CAPN9: variants seen among roughly 807,000 people sequenced by gnomAD.
The protein encoded by CAPN9 is calpain 9.
Under a neutral mutation model 92.8 loss-of-function variants are expected in CAPN9, and 81 were observed. The ratio of observed to expected loss-of-function variants is 0.87; its 90% CI spans 0.73 to 1.05. The LOEUF is 1.05. Among genes scored for constraint, CAPN9 ranks in the 50% least tolerant of loss-of-function variants. The pLI is 0.00. For synonymous variants in CAPN9, 304 were observed against 328.0 expected, an observed-to-expected ratio of 0.93 and a Z score of 0.79; for missense variants, 848 against 866.2, an observed-to-expected ratio of 0.98 and a Z score of 0.26.
chr1:230,767,561 C>G lies in CAPN9; in HGVS notation c.557C>G (p.Ala186Gly), dbSNP rs1558093050. 2.5e-6 allele frequency: 4 copies of G among 1,612,840 alleles called. No homozygotes were observed. Among genetic ancestry groups the G allele is most frequent in the Non-Finnish European group, 3.4e-6 (4 of 1,179,444 alleles). The part of the protein sequence containing the change: ...AYAKLNGSYE[A>G]LKGGSAIEAM... Reference sequence around the variant, plus strand: ...TGCAGGCTAAATGGGAGCTATGAAGCTCTGAAGGGAGGCAGCGCCATCGAG... The same window carrying G: ...TGCAGGCTAAATGGGAGCTATGAAGGTCTGAAGGGAGGCAGCGCCATCGAG... The change falls in exon 5 of 20, where the codon GCT becomes GGT. Residue 186 changes from alanine (A) to glycine (G), a missense_variant. Coordinates refer to ENST00000271971, the MANE Select transcript of CAPN9 (RefSeq NM_006615.3).
chr1:230,768,010 TAATA>T (rs71563451), intron 5 of CAPN9, among the ~76,000 whole-genome samples: 39,412 of 139,160 alleles, frequency 0.28, 5,771 homozygotes, highest in East Asian at 0.38. Context: ...ACTTAAAGTA[TAATA>T]AATAAATAAA....
rs756167424 is a variant in CAPN9 at position 230,755,448 on chromosome 1, T to C, written c.283+42T>C. 4 of 1,508,460 alleles carry C rather than the reference T, an allele frequency of 2.7e-6. No individual in the cohort carries two copies. The South Asian group carries it at 4.8e-5, about 18-fold the overall frequency. 93.4% of individuals were successfully genotyped at this position (1,508,460 alleles called of 1,614,324 possible). ...GGAGCATGGCGAGAGGGAGGTTGAG[T>C]CACTGGGACAGGCAAGCAACTGCAG... On this transcript the variant is annotated intron_variant, in intron 2 of 19. Coordinates refer to ENST00000271971, the MANE Select transcript of CAPN9 (RefSeq NM_006615.3).
chr1:230,785,977 A>G lies in CAPN9; in HGVS notation c.1482-4A>G. On this transcript the variant is annotated splice_region_variant and splice_polypyrimidine_tract_variant and intron_variant, in intron 11 of 19. Transcript: ENST00000271971. The stretch of plus-strand genomic sequence containing the variant: ...TGAGGCAGTGTGTTTTTCTGCCCCT[A>G]CAGGGATATGGATGGAAATGTAGAC... 1 of 1,613,814 alleles carries G rather than the reference A, an allele frequency of 6.2e-7. No individual in the cohort carries two copies. The highest frequency in any genetic ancestry group is 8.5e-7 in the Non-Finnish European group (1 of 1,179,698).
At chr1:230,780,444 C>G in intron 10 of CAPN9, 56 bp from the exon 11 acceptor site, 7 of 1,603,838 alleles carry the variant, frequency 4.4e-6, no homozygotes, top group Non-Finnish European at 6.0e-6. Flanking sequence ...TGAATTGTGT[C>G]CGAAAAGCCA....
chr1:230,791,449 C>A (rs982955060), intron 14 of CAPN9, among the ~76,000 whole-genome samples: 3 of 152,132 alleles, frequency 2.0e-5, no homozygotes, highest in Admixed American at 2.0e-4. Context: ...TTAAATCCTG[C>A]CATTAAATAT....
intron 4 of CAPN9, among the ~76,000 whole-genome samples, chr1:230,766,603 G>A (rs1665999270): frequency 6.6e-6 from 1 of 152,170 alleles, no homozygotes; most frequent in South Asian, 2.1e-4. Flanking sequence ...GTGCAGTGTG[G>A]GGTCCTGGGT....
At chr1:230,777,347 G>A (rs889702971) in intron 8 of CAPN9, among the ~76,000 whole-genome samples, 1 of 152,070 alleles carries the variant, frequency 6.6e-6, no homozygotes, top group Non-Finnish European at 1.5e-5. Context: ...CAAGGTGATG[G>A]GTGGTGTTAA....
Position 230,790,278 on chromosome 1 carries a change from G to A in CAPN9, c.1657+89G>A, listed in dbSNP as rs773225077. On this transcript the variant is annotated intron_variant, in intron 14 of 19. Transcript: ENST00000271971. ...GGTCCCCTCCCTGCTCCTCCGAGCC[G>A]CAGATCTGCTTCCCAGGGCTGATTT... The A allele has an allele frequency of 9.4e-5, 144 of 1,531,194 alleles. 1 individual carries two copies. The South Asian group carries it at 1.6e-3, about 17-fold the overall frequency. 94.9% of individuals were successfully genotyped at this position (1,531,194 alleles called of 1,614,324 possible).
intron 5 of CAPN9, 100 bp downstream of exon 5, chr1:230,767,809 C>T: frequency 9.2e-7 from 1 of 1,090,710 alleles, no homozygotes; most frequent in South Asian, 1.6e-5. Context: ...CAGCCACACC[C>T]AAGGAGGGGC....
intron 11 of CAPN9, among the ~76,000 whole-genome samples, chr1:230,783,186 T>C (rs377556629): frequency 2.0e-5 from 3 of 152,362 alleles, no homozygotes; most frequent in South Asian, 4.1e-4. Context: ...GCACTGTTTA[T>C]GCGTCTTTGG....
chr1:230,754,073 AGTGGGCGCC>A (rs1398677618), intron 1 of CAPN9, among the ~76,000 whole-genome samples: 1 of 119,332 alleles, frequency 8.4e-6, no homozygotes, highest in African/African-American at 3.0e-5. Flanking sequence ...CTGCAGGCAC[AGTGGGCGCC>A]GTGGGTGAGG....
intron 1 of CAPN9, among the ~76,000 whole-genome samples, chr1:230,753,810 G>C (rs1293848605): frequency 6.6e-6 from 1 of 151,896 alleles, no homozygotes; most frequent in Non-Finnish European, 1.5e-5. Context: ...CACAGGATTG[G>C]CTGTTACCTC....
intron 17 of CAPN9, among the ~76,000 whole-genome samples, chr1:230,794,090 G>A (rs1380419964): frequency 6.6e-6 from 1 of 152,162 alleles, no homozygotes; most frequent in Non-Finnish European, 1.5e-5. Context: ...GAAAGACCCT[G>A]GGTGGATTTC....
intron 8 of CAPN9, among the ~76,000 whole-genome samples, chr1:230,777,979 T>C (rs1374527759): frequency 6.6e-6 from 1 of 152,168 alleles, no homozygotes; most frequent in Non-Finnish European, 1.5e-5. Flanking sequence ...ACACTAATTC[T>C]CAGGTTTCTA....
At chr1:230,757,978 C>T (rs1162116166) in intron 2 of CAPN9, among the ~76,000 whole-genome samples, 1 of 152,154 alleles carries the variant, frequency 6.6e-6, no homozygotes, top group Non-Finnish European at 1.5e-5. Flanking sequence ...TGCTCTGCAC[C>T]ACCCAGATAG....
intron 8 of CAPN9, among the ~76,000 whole-genome samples, chr1:230,777,491 C>T (rs1458097584): frequency 6.6e-6 from 1 of 151,976 alleles, no homozygotes; most frequent in Non-Finnish European, 1.5e-5. Flanking sequence ...GTATGAATTC[C>T]CCCCTTCTTC....
At chr1:230,788,352 A>G (rs555470465) in intron 13 of CAPN9, among the ~76,000 whole-genome samples, 2 of 152,272 alleles carry the variant, frequency 1.3e-5, no homozygotes, top group Admixed American at 6.5e-5. Flanking sequence ...TTTTAGGGAC[A>G]CTGGATGGAG....
At chr1:230,798,659 G>A (rs961038743) in intron 19 of CAPN9, among the ~76,000 whole-genome samples, 5 of 152,142 alleles carry the variant, frequency 3.3e-5, no homozygotes, top group African/African-American at 1.2e-4. Context: ...GCCAGTTACC[G>A]GGGCCATTGT....
At chr1:230,751,910 G>A (rs1376840249) in intron 1 of CAPN9, among the ~76,000 whole-genome samples, 1 of 151,728 alleles carries the variant, frequency 6.6e-6, no homozygotes, top group African/African-American at 2.4e-5. Flanking sequence ...GGGGCTTCAG[G>A]CAGCAGTCTA....
Sources: allele counts gnomAD v4.1 joint callset (sites outside exome capture counted in the v4.1 genomes callset), GRCh38; gene constraint gnomAD v4.1.1; transcripts MANE v1.5; gene names NCBI Gene and HGNC (gene_info 2026-07-23, HGNC 2026-07-21).